The following CALN1 variants were observed in gnomAD, a reference collection of about 807,000 sequenced individuals.
CALN1 encodes the protein calneuron 1, also known as calcium-binding protein 8.
CALN1 carries 17 observed loss-of-function variants against 30.6 expected under a neutral mutation model. The observed-to-expected ratio is 0.56, with a 90% CI of 0.38 to 0.83. The LOEUF (loss-of-function observed/expected upper bound fraction) is 0.83, where lower values mean the gene tolerates loss of function less well. Ranked by LOEUF, CALN1 falls within the 40% of genes least tolerant of loss-of-function variation. CALN1 has a pLI of 0.00. For missense variants in CALN1, 291 were observed against 354.9 expected (o/e 0.82, Z 1.45); for synonymous variants, 156 against 131.4 (o/e 1.19, Z -1.28).
At chr7:71,939,887 A>T (rs897147138) in intron 5 of CALN1, among the ~76,000 whole-genome samples, 33 of 152,296 alleles carry the variant, frequency 2.2e-4, no homozygotes, top group African/African-American at 7.9e-4. Flanking sequence ...GGGAGCTACC[A>T]GGGAAGTTAC....
At chr7:72,382,116 T>C (rs546732849) in intron 2 of CALN1, among the ~76,000 whole-genome samples, 1 of 152,302 alleles carries the variant, frequency 6.6e-6, no homozygotes, top group South Asian at 2.1e-4. Context: ...GCCCCTTGGA[T>C]GGACCCTAAG....
intron 5 of CALN1, among the ~76,000 whole-genome samples, chr7:71,814,302 G>A (rs192898003): frequency 4.2e-4 from 64 of 152,192 alleles, no homozygotes; most frequent in South Asian, 1.5e-3. Context: ...TGTTTGTGTC[G>A]GGCAAGGGTG....
chr7:71,903,411 C>T (rs1337374932), intron 5 of CALN1, among the ~76,000 whole-genome samples: 1 of 152,078 alleles, frequency 6.6e-6, no homozygotes, highest in Non-Finnish European at 1.5e-5. Context: ...TATTTACAGC[C>T]AACTGATTTT....
At position 71,867,144 on chromosome 7, in the gene CALN1, C is replaced by CAA. The variant is rs745359572; in HGVS notation, c.502-56654_502-56653dup. On this transcript the variant is annotated intron_variant, in intron 5 of 6. Transcript: ENST00000395275. ...TGGGTGACAGAGCGAGACTCTGTCT[C>CAA]AAAAAAAAAAACTAAGGACATTTAC... is the stretch of plus-strand genomic sequence containing the variant. 2.0e-3 allele frequency among the ~76,000 whole-genome samples: 284 copies of CAA among 138,940 alleles called. 1 individual carries two copies. Among genetic ancestry groups the CAA allele is most frequent in the African/African-American group, 5.4e-3 (209 of 38,968 alleles). The allele number at this position is 138,940 out of a possible 152,430, so 91.2% of individuals were successfully genotyped here.
chr7:72,171,185 G>C (rs1001407420), intron 3 of CALN1, among the ~76,000 whole-genome samples: 3 of 152,106 alleles, frequency 2.0e-5, no homozygotes, highest in Non-Finnish European at 2.9e-5. Flanking sequence ...AGATTTCACA[G>C]AGTCAAAATT....
At chr7:71,824,351 G>T (rs1158517465) in intron 5 of CALN1, among the ~76,000 whole-genome samples, 1 of 152,078 alleles carries the variant, frequency 6.6e-6, no homozygotes, top group Non-Finnish European at 1.5e-5. Context: ...TCTACAGGTG[G>T]ACTTCCCATG....
intron 2 of CALN1, among the ~76,000 whole-genome samples, chr7:72,290,080 A>T (rs889078330): frequency 0.047 from 192 of 4,122 alleles, no homozygotes; most frequent in South Asian, 0.12. Context: ...ACCCTGTCTT[A>T]AAAAAAAAAA....
At chr7:72,197,450 T>G (rs1442888128) in intron 3 of CALN1, among the ~76,000 whole-genome samples, 1 of 152,076 alleles carries the variant, frequency 6.6e-6, no homozygotes, top group Non-Finnish European at 1.5e-5. Context: ...TCCATCTGCC[T>G]TGGCCTCCCA....
At chr7:71,855,377 T>C (rs549142210) in intron 5 of CALN1, among the ~76,000 whole-genome samples, 100 of 152,108 alleles carry the variant, frequency 6.6e-4, no homozygotes, top group Admixed American at 2.0e-3. Context: ...ACATTCAGTT[T>C]TAGGTGCACA....
At chr7:72,095,234 TAAGTAAGTTA>T (rs1806136785) in intron 4 of CALN1, among the ~76,000 whole-genome samples, 1 of 152,114 alleles carries the variant, frequency 6.6e-6, no homozygotes, top group Non-Finnish European at 1.5e-5. Context: ...TTGTGAGGAC[TAAGTAAGTTA>T]ATAAATAAAG....
intron 1 of CALN1, among the ~76,000 whole-genome samples, chr7:72,419,324 C>T (rs1437831461): frequency 2.0e-5 from 3 of 152,144 alleles, no homozygotes; most frequent in Admixed American, 6.5e-5. Flanking sequence ...TCCACTGGCA[C>T]AGTCACTCCC....
intron 5 of CALN1, among the ~76,000 whole-genome samples, chr7:71,851,647 C>T (rs562216523): frequency 7.5e-4 from 114 of 151,756 alleles, no homozygotes; most frequent in Admixed American, 2.1e-3. Context: ...GGATAATTGC[C>T]CATAGGAATA....
chr7:71,856,779 AC>A (rs1790971997), intron 5 of CALN1, among the ~76,000 whole-genome samples: 1 of 151,840 alleles, frequency 6.6e-6, no homozygotes, highest in Non-Finnish European at 1.5e-5. Flanking sequence ...ATGTGGTGAA[AC>A]CCCATCTCTA....
intron 2 of CALN1, among the ~76,000 whole-genome samples, chr7:72,308,173 C>T (rs912749055): frequency 6.6e-6 from 1 of 152,088 alleles, no homozygotes; most frequent in African/African-American, 2.4e-5. Flanking sequence ...AGGCCATCCC[C>T]GCCAACATGG....
intron 2 of CALN1, among the ~76,000 whole-genome samples, chr7:72,369,047 T>C (rs1320904690): frequency 6.6e-6 from 1 of 151,450 alleles, no homozygotes; most frequent in African/African-American, 2.4e-5. Flanking sequence ...ACTCCTGACC[T>C]CAAGTGATCT....
chr7:72,358,034 C>A (rs1803345400), intron 2 of CALN1, among the ~76,000 whole-genome samples: 1 of 151,520 alleles, frequency 6.6e-6, no homozygotes, highest in African/African-American at 2.4e-5. Flanking sequence ...CACTGTCTCC[C>A]AGGCAGGAGT....
At chr7:72,204,984 T>C (rs1791718760) in intron 3 of CALN1, among the ~76,000 whole-genome samples, 1 of 152,266 alleles carries the variant, frequency 6.6e-6, no homozygotes, top group African/African-American at 2.4e-5. Context: ...AAAATGTCCA[T>C]TTTCACACAG....
chr7:72,444,466 A>C (rs993190461), intron 1 of CALN1, among the ~76,000 whole-genome samples: 11 of 152,198 alleles, frequency 7.2e-5, no homozygotes, highest in African/African-American at 2.6e-4. Context: ...GTCATTAAAA[A>C]CCACCTATGT....
intron 5 of CALN1, among the ~76,000 whole-genome samples, chr7:71,964,544 T>C (rs897906601): frequency 6.6e-6 from 1 of 152,054 alleles, no homozygotes; most frequent in South Asian, 2.1e-4. Flanking sequence ...GTGGTGGAGA[T>C]AGCTCTCAGC....
Sources: gnomAD v4.1 joint callset for allele counts (sites outside exome capture counted in the v4.1 genomes callset) on GRCh38, gnomAD v4.1.1 for gene constraint, MANE v1.5 for transcripts, NCBI Gene and HGNC (gene_info 2026-07-23, HGNC 2026-07-21) for gene names.